Variants in MYOCOS observed in about 807,000 individuals in gnomAD.
MYOCOS encodes myocilin opposite strand protein.
intron 2 of MYOCOS, among the ~76,000 whole-genome samples, chr1:171,616,883 A>G (rs1350459748): frequency 5.3e-5 from 8 of 152,204 alleles, no homozygotes; most frequent in Admixed American, 2.0e-4. Flanking sequence ...TGTAGCCATA[A>G]CATGGGAAGG....
intron 2 of MYOCOS, among the ~76,000 whole-genome samples, chr1:171,624,727 G>A (rs1006618827): frequency 3.3e-5 from 5 of 151,998 alleles, no homozygotes; most frequent in Admixed American, 6.6e-5. Flanking sequence ...GATTACAGGC[G>A]TGAGCGACTG....
chr1:171,614,884 G>A (rs1322758537), exon 2 of MYOCOS: 1 of 152,254 alleles, frequency 6.6e-6, no homozygotes, highest in South Asian at 2.1e-4. Context: ...CAAGATATTT[G>A]GGAAAAGCAT....
intron 1 of MYOCOS, among the ~76,000 whole-genome samples, chr1:171,607,713 A>G (rs1431924267): frequency 6.6e-6 from 1 of 152,138 alleles, no homozygotes; most frequent in East Asian, 1.9e-4. Context: ...TTCTGTCCAT[A>G]TGGGTTAAGG....
At chr1:171,616,249 A>C (rs3047651) in intron 2 of MYOCOS, among the ~76,000 whole-genome samples, 25 of 141,908 alleles carry the variant, frequency 1.8e-4, no homozygotes, top group African/African-American at 5.6e-4. Flanking sequence ...AACAAACAAA[A>C]AAACAAAGGG....
chr1:171,619,078 T>G (rs1387805663), upstream of MYOCOS, among the ~76,000 whole-genome samples: 2 of 152,262 alleles, frequency 1.3e-5, no homozygotes, highest in Admixed American at 1.3e-4. Context: ...CTATTGCTTC[T>G]AAAGTATGCA....
At chr1:171,619,491 G>C (rs1290723676), upstream of MYOCOS, among the ~76,000 whole-genome samples, 2 of 152,132 alleles carry the variant, frequency 1.3e-5, no homozygotes, top group African/African-American at 4.8e-5. Flanking sequence ...CTAAAGCTCA[G>C]ATTTTGTTTC....
intron 1 of MYOCOS, among the ~76,000 whole-genome samples, chr1:171,613,497 AC>A (rs1385203235): frequency 2.0e-5 from 3 of 151,990 alleles, no homozygotes; most frequent in African/African-American, 7.2e-5. Context: ...TCAGGATCTC[AC>A]TTTCTCTTGG....
intron 1 of MYOCOS, among the ~76,000 whole-genome samples, chr1:171,603,194 A>G (rs1572200621): frequency 6.6e-6 from 1 of 152,098 alleles, no homozygotes; most frequent in Non-Finnish European, 1.5e-5. Flanking sequence ...GGCAGGGAGG[A>G]GACTTATTAG....
intron 1 of MYOCOS, 79 bp from the exon 2 acceptor site, chr1:171,623,762 A>G (rs568390976): frequency 1.4e-4 from 54 of 397,010 alleles, no homozygotes; most frequent in Non-Finnish European, 2.1e-4. Flanking sequence ...TTCTCTGCAA[A>G]CTGCGCCATT....
upstream of MYOCOS, among the ~76,000 whole-genome samples, chr1:171,621,439 G>A (rs1271088677): frequency 1.4e-5 from 2 of 143,298 alleles, no homozygotes; most frequent in Admixed American, 7.2e-5. Flanking sequence ...GCAGTGGCGC[G>A]ATCTCGGCTC....
In MYOCOS at chr1:171,608,314, C is replaced by T. The variant is rs189433791; in HGVS notation, c.-251-6484C>T. 3.3e-5 allele frequency among the ~76,000 whole-genome samples: 5 copies of T among 150,072 alleles called. No individual in the cohort carries two copies. In the East Asian group the frequency reaches 9.8e-4, roughly 29 times the overall value. On this transcript the variant is annotated intron_variant, in intron 1 of 3. Coordinates refer to the MYOCOS transcript ENST00000636697. ...CAGAGGGAGACGTTCACCTGAGATG[C>T]TAATGCAAAAAAATGCCTTAGTAAA...
rs1652711676 is a variant in MYOCOS at position 171,626,655 on chromosome 1, T to C, written c.*54T>C. The C allele has an allele frequency of 1.0e-5, 4 of 398,322 alleles. No homozygotes were observed. 24.7% of individuals were successfully genotyped at this position (398,322 alleles called of 1,614,324 possible). A position where few individuals can be genotyped will look rare whatever the true frequency, so the allele number is the denominator to read the frequency against. On this transcript the variant is annotated 3_prime_UTR_variant, in exon 3 of 3. Coordinates refer to ENST00000637642, the MANE Select transcript of MYOCOS (RefSeq NM_001391940.1). ...TTACACAGAACTCCAGAAAACAGTT[T>C]CAGTGGCATTCTTGAGGTTTGTCTT...
chr1:171,613,494 C>T (rs73040395), intron 1 of MYOCOS, among the ~76,000 whole-genome samples: 11,713 of 152,090 alleles, frequency 0.077, 1,488 homozygotes, highest in African/African-American at 0.27. Flanking sequence ...GTCTCAGGAT[C>T]TCACTTTCTC....
At chr1:171,609,857 C>A (rs1457438972) in intron 1 of MYOCOS, among the ~76,000 whole-genome samples, 1 of 152,192 alleles carries the variant, frequency 6.6e-6, no homozygotes, top group Non-Finnish European at 1.5e-5. Flanking sequence ...TGCAGCTTAA[C>A]TAGATCCCTG....
At chr1:171,605,517 C>T (rs999892104) in intron 1 of MYOCOS, among the ~76,000 whole-genome samples, 7 of 151,932 alleles carry the variant, frequency 4.6e-5, no homozygotes, top group Non-Finnish European at 1.0e-4. Flanking sequence ...GGACGGCCCC[C>T]ACCAGGTTAT....
intron 1 of MYOCOS, among the ~76,000 whole-genome samples, chr1:171,605,499 C>G (rs1041696104): frequency 1.3e-5 from 2 of 151,936 alleles, no homozygotes; most frequent in African/African-American, 2.4e-5. Context: ...CAGAATCCCA[C>G]CAGGACTGGA....
At position 171,605,373 on chromosome 1, in the gene MYOCOS, C is replaced by CCACACACA. The variant is rs55880778; in HGVS notation, c.-252+4308_-252+4315dup. 1.2e-3 allele frequency among the ~76,000 whole-genome samples: 162 copies of CCACACACA among 139,272 alleles called. 1 individual carries two copies. Among genetic ancestry groups the CCACACACA allele is most frequent in the South Asian group, 7.3e-3 (28 of 3,858 alleles). The allele number at this position is 139,272 out of a possible 152,430, so 91.4% of individuals were successfully genotyped here. ...TAAGACAAAAACCATATTAATAGTACCACACACACACACACACACACAAAA... is the reference window on the plus strand; with the variant it reads ...TAAGACAAAAACCATATTAATAGTACCACACACACACACACACACACACACACACAAAA... On this transcript the variant is annotated intron_variant, in intron 1 of 3. Coordinates refer to the MYOCOS transcript ENST00000636697.
At chr1:171,618,604 C>T (rs1652492920), upstream of MYOCOS, among the ~76,000 whole-genome samples, 1 of 152,010 alleles carries the variant, frequency 6.6e-6, no homozygotes, top group Non-Finnish European at 1.5e-5. Context: ...GAGATGGTGT[C>T]TTGCTCTGTC....
intron 1 of MYOCOS, among the ~76,000 whole-genome samples, chr1:171,611,981 T>G (rs1170872245): frequency 2.6e-5 from 4 of 152,206 alleles, no homozygotes; most frequent in Admixed American, 1.3e-4. Flanking sequence ...TTCATGGTAG[T>G]CTTCAGACTG....
Sources: allele counts gnomAD v4.1 joint callset (sites outside exome capture counted in the v4.1 genomes callset), GRCh38; gene constraint gnomAD v4.1.1; transcripts MANE v1.5; gene names NCBI Gene and HGNC (gene_info 2026-07-23, HGNC 2026-07-21).